PML: variants seen among roughly 807,000 people sequenced by gnomAD.
PML encodes protein PML.
A neutral mutation model predicts 65.2 loss-of-function variants in PML; 28 were observed. The observed-to-expected ratio is 0.43, with a 90% confidence interval of 0.32 to 0.59. PML has a LOEUF of 0.59. Among genes scored for constraint, PML ranks in the 20% least tolerant of loss-of-function variants. The pLI is 0.08. For synonymous variants in PML, 500 were observed against 508.8 expected, an observed-to-expected ratio of 0.98 and a Z score of 0.23; for missense variants, 1,021 against 1,203.4, an observed-to-expected ratio of 0.85 and a Z score of 2.24.
intron 6 of PML, chr15:74,033,883 A>G (rs541284945): frequency 2.4e-4 from 107 of 439,274 alleles, no homozygotes; most frequent in African/African-American, 2.0e-3. Context: ...TCTTCTATGA[A>G]CACTGCCAGG....
In PML at chr15:73,998,079, C is replaced by G. The variant is rs975077458; in HGVS notation, c.205C>G (p.Leu69Val). The change falls in exon 2 of 9, where the codon CTG becomes GTG. Residue 69 changes from leucine (L) to valine (V), a missense_variant. Transcript: ENST00000268058. ...CCAGGCGGAAGCCAAGTGCCCGAAGCTGCTGCCTTGTCTGCACACGCTGTG... is the reference window on the plus strand; with the variant it reads ...CCAGGCGGAAGCCAAGTGCCCGAAGGTGCTGCCTTGTCTGCACACGCTGTG... Reference protein sequence around the residue: ...QCQAEAKCPKLLPCLHTLCSG... With the variant: ...QCQAEAKCPKVLPCLHTLCSG... 1 of 1,613,650 alleles carries G rather than the reference C, an allele frequency of 6.2e-7. No homozygotes were observed. The highest frequency in any genetic ancestry group is 1.1e-5 in the South Asian group (1 of 91,062).
chr15:74,003,647 G>C (rs752502661), intron 2 of PML, among the ~76,000 whole-genome samples: 26 of 152,078 alleles, frequency 1.7e-4, no homozygotes, highest in Admixed American at 7.9e-4. Flanking sequence ...CTACCAAATT[G>C]TTAATTTTTT....
chr15:74,021,599 C>A (rs2070839021), intron 2 of PML, among the ~76,000 whole-genome samples: 1 of 151,544 alleles, frequency 6.6e-6, no homozygotes, highest in African/African-American at 2.4e-5. Context: ...AAAAAAATAA[C>A]CAAATAAAAA....
intron 2 of PML, among the ~76,000 whole-genome samples, chr15:74,009,535 GAAT>G (rs1469258968): frequency 6.6e-6 from 1 of 152,198 alleles, no homozygotes; most frequent in Admixed American, 6.5e-5. Flanking sequence ...TAGATTTATA[GAAT>G]AATATGTGGA....
At chr15:73,999,236 A>G (rs1456388196) in intron 2 of PML, among the ~76,000 whole-genome samples, 1 of 152,112 alleles carries the variant, frequency 6.6e-6, no homozygotes, top group Non-Finnish European at 1.5e-5. Flanking sequence ...ATCAGGTCCT[A>G]TTTTCCCTCT....
intron 4 of PML, 173 bp downstream of exon 4, chr15:74,025,100 C>G (rs2071013367): frequency 1.6e-6 from 1 of 619,342 alleles, no homozygotes; most frequent in Non-Finnish European, 3.0e-6. Flanking sequence ...GAAGGGTTGG[C>G]TGGCTAGCTG....
rs1429292269 is a variant in PML at position 74,044,701 on chromosome 15, T to C, written c.2342T>C (p.Leu781Pro). The change falls in exon 9 of 9, where the codon CTG becomes CCG. Residue 781 changes from leucine to proline, a missense_variant. Physicochemically the swap from Leu to Pro is moderately conservative, Grantham distance 98. Coordinates refer to ENST00000268058, the MANE Select transcript of PML (RefSeq NM_033238.3). ...PFSSLQCFAS[L>P]QPLVQAAVLP... The stretch of plus-strand genomic sequence containing the variant: ...AGTAGCCTGCAGTGCTTTGCCTCCC[T>C]GCAGCCCCTGGTGCAGGCAGCTGTG... 1 of 1,608,016 alleles carries C rather than the reference T, an allele frequency of 6.2e-7. No homozygotes were observed. The highest frequency in any genetic ancestry group is 8.5e-7 in the Non-Finnish European group (1 of 1,179,966).
Position 74,022,972 on chromosome 15 carries a change from G to T in PML, c.747G>T (p.Glu249Asp). ...ACGCCATGACGCAGGCGCTGCAGGAGCAGGATAGTGCCTTTGGCGCGGTTC... is the reference window on the plus strand; with the variant it reads ...ACGCCATGACGCAGGCGCTGCAGGATCAGGATAGTGCCTTTGGCGCGGTTC... ...ELDAMTQALQEQDSAFGAVHA... is the reference protein window; with the variant it reads ...ELDAMTQALQDQDSAFGAVHA... Residue 249 changes from glutamate to aspartate, a missense_variant, in exon 3 of 9, where the codon GAG becomes GAT. Coordinates refer to ENST00000268058, the MANE Select transcript of PML (RefSeq NM_033238.3). 1.2e-6 allele frequency: 2 copies of T among 1,610,422 alleles called. No individual in the cohort carries two copies. The highest frequency in any genetic ancestry group is 1.7e-6 in the Non-Finnish European group (2 of 1,178,818).
At chr15:74,021,825 A>G (rs539945114) in intron 2 of PML, among the ~76,000 whole-genome samples, 3 of 152,346 alleles carry the variant, frequency 2.0e-5, no homozygotes, top group African/African-American at 7.2e-5. Flanking sequence ...GATTGAATCA[A>G]TTGTGGCCCA....
At chr15:74,032,332 G>T in intron 4 of PML, 1 of 561,032 alleles carries the variant, frequency 1.8e-6, no homozygotes, top group Non-Finnish European at 3.2e-6. Flanking sequence ...AGGAGTTCAA[G>T]ACCAGCGTGG....
At chr15:74,018,672 A>G (rs2070704509) in intron 2 of PML, among the ~76,000 whole-genome samples, 1 of 152,196 alleles carries the variant, frequency 6.6e-6, no homozygotes, top group Non-Finnish European at 1.5e-5. Context: ...GCTGCTGTGA[A>G]TGGGAAGATG....
chr15:74,010,213 T>TG lies in PML; in HGVS notation c.602+11738dup, dbSNP rs2070264660. Among the ~76,000 whole-genome samples the TG allele has an allele frequency of 3.3e-5, 4 of 122,366 alleles. No individual in the cohort carries two copies. In the South Asian group the frequency reaches 1.1e-3, roughly 33 times the overall value. The allele number at this position is 122,366 out of a possible 152,430, so 80.3% of individuals were successfully genotyped here. ...TTTTTTTTTTTTTTTTTTTTTTTTT[T>TG]GTAGAGATGGGCTTTCATTATGTTC... On this transcript the variant is annotated intron_variant, in intron 2 of 8. Transcript: ENST00000268058.
chr15:74,003,277 C>T (rs984681634), intron 2 of PML, among the ~76,000 whole-genome samples: 5 of 151,960 alleles, frequency 3.3e-5, no homozygotes, highest in African/African-American at 1.2e-4. Context: ...ATTAAAAATA[C>T]AAAAATTAGC....
chr15:73,996,043 T>C (rs573692502), intron 1 of PML, among the ~76,000 whole-genome samples: 1 of 152,348 alleles, frequency 6.6e-6, no homozygotes, highest in East Asian at 1.9e-4. Context: ...TGAGCCACCA[T>C]GCCCGGCCTG....
chr15:74,043,311 G>T lies in PML; in HGVS notation c.1861+172G>T, dbSNP rs933771560. The stretch of plus-strand genomic sequence containing the variant: ...CACCTGGGCTCCTGGCGTGTCATTT[G>T]CTGGCTTGAATAAAGATGTCCGCCT... On this transcript the variant is annotated intron_variant, in intron 8 of 8. Transcript: ENST00000268058. The surrounding 1 kb of genome is among the most constrained non-coding windows in gnomAD (Gnocchi z 4.3). The T allele has an allele frequency of 1.3e-6, 2 of 1,482,878 alleles. No homozygotes were observed. The highest frequency in any genetic ancestry group is 4.9e-5 in the East Asian group (2 of 40,860). 91.9% of individuals were successfully genotyped at this position (1,482,878 alleles called of 1,614,324 possible).
chr15:74,026,895 AC>A (rs779493837), intron 4 of PML: 12 of 151,666 alleles, frequency 7.9e-5, no homozygotes, highest in Non-Finnish European at 1.5e-4. Context: ...CAAGTGATCT[AC>A]CCACCTCAGC....
At chr15:73,995,167 C>T (rs1037540144) in intron 1 of PML, among the ~76,000 whole-genome samples, 4 of 152,328 alleles carry the variant, frequency 2.6e-5, no homozygotes, top group African/African-American at 9.6e-5. Flanking sequence ...CCTCGCTGGG[C>T]TGCGGTTTCT....
chr15:74,008,660 A>G lies in PML; in HGVS notation c.602+10184A>G, dbSNP rs148549806. ...AGGCTGAGGCGGGAGAATGGCGTGA[A>G]CCCAGGAGGCGGAGCTTGCAGTGAG... is the stretch of plus-strand genomic sequence containing the variant. On this transcript the variant is annotated intron_variant, in intron 2 of 8. Coordinates refer to ENST00000268058, the MANE Select transcript of PML (RefSeq NM_033238.3). 4.7e-3 allele frequency among the ~76,000 whole-genome samples: 713 copies of G among 151,690 alleles called. 4 individuals are homozygous for G. Among genetic ancestry groups the G allele is most frequent in the African/African-American group, 0.016 (669 of 41,340 alleles).
At chr15:74,029,990 A>G (rs925958352) in intron 4 of PML, among the ~76,000 whole-genome samples, 2 of 152,152 alleles carry the variant, frequency 1.3e-5, no homozygotes, top group African/African-American at 4.8e-5. Context: ...AGGTCAATCC[A>G]TCATGGCCAA....
Sources: allele counts gnomAD v4.1 joint callset (sites outside exome capture counted in the v4.1 genomes callset), GRCh38; gene constraint gnomAD v4.1.1; non-coding constraint Gnocchi (gnomAD v3.1); transcripts MANE v1.5; gene names NCBI Gene and HGNC (gene_info 2026-07-23, HGNC 2026-07-21).